The following SP140 variants were observed in gnomAD, a reference collection of about 807,000 sequenced individuals.
SP140 encodes the protein SP140 nuclear body protein, also known as nuclear body protein SP140.
A neutral mutation model predicts 125.0 loss-of-function variants in SP140; 81 were observed. The observed-to-expected ratio is 0.65, with a 90% CI of 0.54 to 0.78. The LOEUF (loss-of-function observed/expected upper bound fraction) is 0.78, where lower values mean the gene tolerates loss of function less well. SP140 is among the 30% of genes least tolerant of loss of function. The pLI is 0.00. For synonymous variants in SP140, 312 were observed against 354.0 expected, an observed-to-expected ratio of 0.88 and a Z score of 1.33; for missense variants, 858 against 1,037.0, an observed-to-expected ratio of 0.83 and a Z score of 2.37.
chr2:230,305,777 C>A (rs1297182943), intron 22 of SP140, among the ~76,000 whole-genome samples: 8 of 152,222 alleles, frequency 5.3e-5, no homozygotes, highest in African/African-American at 1.9e-4. Flanking sequence ...CTGCACCCAC[C>A]CTGCCCACAG....
chr2:230,279,584 A>G (rs2055223595), intron 15 of SP140, among the ~76,000 whole-genome samples: 1 of 152,186 alleles, frequency 6.6e-6, no homozygotes, highest in South Asian at 2.1e-4. Flanking sequence ...TGTTCCACGC[A>G]TCCACTTTTC....
chr2:230,193,808 A>G, the SP140 span, among the ~76,000 whole-genome samples: 2 of 152,214 alleles, frequency 1.3e-5, no homozygotes, highest in Non-Finnish European at 2.9e-5. Context: ...GCTTGCTAGA[A>G]TTGAGAAGCC....
chr2:230,266,960 A>G (rs1018003975), intron 12 of SP140, among the ~76,000 whole-genome samples: 2 of 152,208 alleles, frequency 1.3e-5, no homozygotes, highest in African/African-American at 4.8e-5. Context: ...CACATAAGGT[A>G]ATTATGGAAG....
chr2:230,249,289 A>T (rs1308689894), intron 9 of SP140, among the ~76,000 whole-genome samples: 6 of 152,168 alleles, frequency 3.9e-5, no homozygotes, highest in Non-Finnish European at 7.3e-5. Flanking sequence ...ATAACAGCAG[A>T]TTATGGCAAC....
Position 230,292,729 on chromosome 2 carries a change from T to C in SP140, c.1909T>C (p.Ser637Pro). The change falls in exon 20 of 27, where the codon TCA becomes CCA. Residue 637 changes from serine to proline, a missense_variant. By Grantham distance (74) the Ser-to-Pro change is moderately conservative (BLOSUM62 -1). Coordinates refer to ENST00000392045, the MANE Select transcript of SP140 (RefSeq NM_007237.5). ...TGAAATCAAAGGAGGCCATGCAAGA[T>C]CAAAGAACTGGAGGCTGAGTGTGCG... ...EFEIKGGHARSKNWRLSVRCG... is the reference protein window; with the variant it reads ...EFEIKGGHARPKNWRLSVRCG... The C allele has an allele frequency of 2.5e-6, 4 of 1,614,180 alleles. No individual in the cohort carries two copies. Among genetic ancestry groups the C allele is most frequent in the East Asian group, 2.2e-5 (1 of 44,890 alleles).
At position 230,211,277 on chromosome 2, in the gene SP140, C is replaced by T. The variant is rs567990046; in HGVS notation, c.-322-2377C>T. 2.0e-5 allele frequency among the ~76,000 whole-genome samples: 3 copies of T among 152,186 alleles called. No homozygotes were observed. Among genetic ancestry groups the T allele is most frequent in the Non-Finnish European group, 4.4e-5 (3 of 68,036 alleles). ...CAGACTTGCCTCCTTTGCCCTCCCC[C>T]AGGGACTCTGTATCCATTCAGAGGT... On this transcript the variant is annotated intron_variant, in intron 1 of 4. Coordinates refer to the SP140 transcript ENST00000456542. This position sits in a 1 kb window ranked among gnomAD's most constrained non-coding sequence, Gnocchi z 4.2.
intron 22 of SP140, among the ~76,000 whole-genome samples, chr2:230,298,262 A>G (rs749394650): frequency 3.9e-5 from 6 of 152,158 alleles, no homozygotes; most frequent in African/African-American, 7.2e-5. Context: ...TTTTCATTGC[A>G]GTGAGATGTC....
intron 6 of SP140, among the ~76,000 whole-genome samples, chr2:230,245,475 G>A (rs571351847): frequency 6.6e-6 from 1 of 152,282 alleles, no homozygotes; most frequent in South Asian, 2.1e-4. Flanking sequence ...GAGACAAAGT[G>A]GAAGTGACAA....
chr2:230,228,383 A>T (rs1019917506), intron 1 of SP140, among the ~76,000 whole-genome samples: 3 of 152,236 alleles, frequency 2.0e-5, no homozygotes, highest in Admixed American at 6.5e-5. Context: ...GGAGTACCGT[A>T]TAAGTGTCAG....
intron 22 of SP140, among the ~76,000 whole-genome samples, chr2:230,305,700 A>G (rs992021920): frequency 6.6e-5 from 10 of 152,290 alleles, no homozygotes; most frequent in Admixed American, 6.5e-4. Context: ...CAGTGGCCAC[A>G]CTTCAGGGGC....
At chr2:230,218,641 G>C (rs1005678703) in intron 3 of SP140, among the ~76,000 whole-genome samples, 1 of 152,180 alleles carries the variant, frequency 6.6e-6, no homozygotes, top group African/African-American at 2.4e-5. Context: ...TCTGTCATGA[G>C]TCCCAAAGAT....
upstream of SP140, among the ~76,000 whole-genome samples, chr2:230,201,424 T>C (rs957236203): frequency 6.6e-6 from 1 of 152,232 alleles, no homozygotes; most frequent in African/African-American, 2.4e-5. Flanking sequence ...ATCAAAGCAG[T>C]GTCCCCAAAT....
chr2:230,212,095 G>A (rs1274609860), intron 1 of SP140, among the ~76,000 whole-genome samples: 3 of 152,202 alleles, frequency 2.0e-5, no homozygotes, highest in Non-Finnish European at 4.4e-5. Flanking sequence ...CCATAATCAG[G>A]TGGGGGTGAG....
At chr2:230,315,232 G>C, downstream of SP140, among the ~76,000 whole-genome samples, 1 of 152,180 alleles carries the variant, frequency 6.6e-6, no homozygotes, top group East Asian at 1.9e-4. Context: ...ACCCATGATG[G>C]AAATGAGGGC....
chr2:230,300,774 A>G (rs529349298), intron 22 of SP140, among the ~76,000 whole-genome samples: 41 of 152,342 alleles, frequency 2.7e-4, no homozygotes, highest in African/African-American at 9.9e-4. Flanking sequence ...ACGTTAGCTC[A>G]CCAGCAATGG....
At chr2:230,242,370 T>G (rs2048845179) in intron 4 of SP140, among the ~76,000 whole-genome samples, 1 of 152,216 alleles carries the variant, frequency 6.6e-6, no homozygotes, top group South Asian at 2.1e-4. Flanking sequence ...TACAAGGGTT[T>G]ATTCCATTAA....
intron 3 of SP140, 59 bp from the exon 4 acceptor site, chr2:230,241,345 C>A: frequency 9.5e-7 from 1 of 1,049,502 alleles, no homozygotes; most frequent in Non-Finnish European, 1.5e-6. Flanking sequence ...CTTGAGCACA[C>A]TGAGGTCTCT....
upstream of SP140, chr2:230,202,583 T>TGATCTCGACTTTCGGGCACATTCA (rs769621341): frequency 1.1e-4 from 179 of 1,614,078 alleles, no homozygotes; most frequent in Non-Finnish European, 1.5e-4. Flanking sequence ...CCTTACCCTC[T>TGATCTCGACTTTCGGGCACATTCA]GATCTCGACT....
At chr2:230,263,260 C>T (rs895005721) in intron 12 of SP140, among the ~76,000 whole-genome samples, 1 of 152,080 alleles carries the variant, frequency 6.6e-6, no homozygotes, top group East Asian at 1.9e-4. Context: ...TTTGTTTTGT[C>T]TAATATAAGA....
Sources: gnomAD v4.1 joint callset for allele counts (sites outside exome capture counted in the v4.1 genomes callset) on GRCh38, gnomAD v4.1.1 for gene constraint, Gnocchi (gnomAD v3.1) non-coding constraint, MANE v1.5 for transcripts, NCBI Gene and HGNC (gene_info 2026-07-23, HGNC 2026-07-21) for gene names.